MAOA: variants seen among roughly 807,000 people sequenced by gnomAD.
MAOA encodes amine oxidase [flavin-containing] A.
In MAOA, 6 loss-of-function variants were observed where a neutral mutation model predicts 42.0. The ratio of observed to expected loss-of-function variants is 0.14; its 90% CI spans 0.08 to 0.28. The LOEUF is 0.28. Ranked by LOEUF, MAOA falls within the 10% of genes least tolerant of loss-of-function variation. The pLI is 1.00. For missense variants in MAOA, 262 were observed against 422.3 expected (o/e 0.62, Z 3.33); for synonymous variants, 140 against 154.0 (o/e 0.91, Z 0.67).
chrX:43,735,008 G>A (rs1270048889), intron 9 of MAOA, among the ~76,000 whole-genome samples: 1 of 112,264 alleles, frequency 8.9e-6, no homozygotes, highest in African/African-American at 3.2e-5. Context: ...AACTTGAGGT[G>A]TTAAATCATG....
intron 3 of MAOA, among the ~76,000 whole-genome samples, chrX:43,699,758 C>A (rs2033608610): frequency 9.0e-6 from 1 of 110,951 alleles, no homozygotes; most frequent in Admixed American, 9.7e-5. Flanking sequence ...TTCTGGAATA[C>A]TAAGTAAATT....
intron 3 of MAOA, among the ~76,000 whole-genome samples, chrX:43,704,320 G>A (rs893573993): frequency 3.6e-5 from 4 of 111,605 alleles, no homozygotes; most frequent in African/African-American, 9.8e-5. Flanking sequence ...GGAATGAAAG[G>A]TTAGTTTAAT....
At chrX:43,740,622 A>C in intron 10 of MAOA, 59 bp from the exon 11 acceptor site, 9 of 989,648 alleles carry the variant, frequency 9.1e-6, no homozygotes, top group East Asian at 3.3e-5. Context: ...TTTATTCTAT[A>C]CCCATCAGTT....
rs890442794 is a variant in MAOA at position 43,736,137 on chromosome X, A to G, written c.1053-90A>G. 12 of 626,380 alleles carry G rather than the reference A, an allele frequency of 1.9e-5. No homozygotes were observed. In the African/African-American group the frequency reaches 2.2e-4, roughly 12 times the overall value. The allele number at this position is 626,380 out of a possible 1,213,427, so 51.6% of individuals were successfully genotyped here. On this transcript the variant is annotated intron_variant, in intron 9 of 14. Transcript: ENST00000338702. The stretch of plus-strand genomic sequence containing the variant: ...TGAGAGAGTTCATTTCATGCTGAAT[A>G]GCTACAGGTTAAGAATACTTCAGAA...
At chrX:43,663,140 T>G (rs1278921345) in intron 1 of MAOA, among the ~76,000 whole-genome samples, 1 of 111,420 alleles carries the variant, frequency 9.0e-6, no homozygotes, top group Non-Finnish European at 1.9e-5. Flanking sequence ...TCTTTAGCTT[T>G]CTTTCTTGGA....
In MAOA at chrX:43,722,811, T is replaced by C. The variant is rs766331379; in HGVS notation, c.504-5362T>C. On this transcript the variant is annotated intron_variant, in intron 5 of 14. Transcript: ENST00000338702. ...CCTAGGTTTTCTTCTAGGGTTTTTA[T>C]GGTTTTAAGTTATACGTTTAAATCT... 2.9e-4 allele frequency among the ~76,000 whole-genome samples: 33 copies of C among 112,298 alleles called. No homozygotes were observed. The South Asian group carries it at 6.2e-3, about 21-fold the overall frequency.
chrX:43,672,418 A>G (rs2147075079), intron 1 of MAOA, among the ~76,000 whole-genome samples: 1 of 110,599 alleles, frequency 9.0e-6, no homozygotes, highest in South Asian at 3.9e-4. Flanking sequence ...CTCTTTTCCT[A>G]ATTGAATACC....
Position 43,708,136 on chromosome X carries a change from A to T in MAOA, c.307-3736A>T, listed in dbSNP as rs1403267971. Among the ~76,000 whole-genome samples, 3 of 111,211 alleles carry T rather than the reference A, an allele frequency of 2.7e-5. No individual in the cohort carries two copies. The Admixed American group carries it at 2.9e-4, about 11-fold the overall frequency. On this transcript the variant is annotated intron_variant, in intron 3 of 14. Transcript: ENST00000338702. The stretch of plus-strand genomic sequence containing the variant: ...AGGGACATTGCGTTCTGCTTGACAT[A>T]AACAATTTCTGCTGTATCAAAGACA...
chrX:43,676,542 A>C (rs1388000946), intron 1 of MAOA, among the ~76,000 whole-genome samples: 1 of 111,546 alleles, frequency 9.0e-6, no homozygotes, highest in Non-Finnish European at 1.9e-5. Context: ...TGCATCGCTC[A>C]TGCTGGGAGC....
chrX:43,666,654 TTAAAA>T (rs1009050182), intron 1 of MAOA, among the ~76,000 whole-genome samples: 1 of 110,664 alleles, frequency 9.0e-6, no homozygotes, highest in Middle Eastern at 4.2e-3. Flanking sequence ...TTTAAAAAAG[TTAAAA>T]TAAGGTGAAT....
chrX:43,710,409 A>T (rs139233662), intron 3 of MAOA, among the ~76,000 whole-genome samples: 155 of 112,573 alleles, frequency 1.4e-3, no homozygotes, highest in African/African-American at 4.8e-3. Flanking sequence ...ATATATTCTT[A>T]CTCAGTTAGG....
chrX:43,656,524 G>A, intron 1 of MAOA, 110 bp downstream of exon 1: 1 of 720,099 alleles, frequency 1.4e-6, no homozygotes, highest in Admixed American at 2.4e-5. Flanking sequence ...CGAGAGTGTA[G>A]TGTAGCCATG....
intron 1 of MAOA, among the ~76,000 whole-genome samples, chrX:43,659,978 G>C (rs1053246788): frequency 6.3e-5 from 7 of 111,083 alleles, no homozygotes; most frequent in African/African-American, 2.0e-4. Context: ...TACATGGATA[G>C]ATTGCATAGT....
At chrX:43,670,451 T>A (rs748242925) in intron 1 of MAOA, among the ~76,000 whole-genome samples, 4 of 110,813 alleles carry the variant, frequency 3.6e-5, no homozygotes, top group Admixed American at 1.9e-4. Context: ...TAATTTTTAT[T>A]TTATTATTAT....
intron 5 of MAOA, among the ~76,000 whole-genome samples, chrX:43,715,355 G>T (rs1182171025): frequency 9.0e-6 from 1 of 110,741 alleles, no homozygotes; most frequent in Non-Finnish European, 1.9e-5. Flanking sequence ...GACTGGTGTG[G>T]CAGGATATAC....
chrX:43,731,635 G>T, intron 7 of MAOA, 59 bp from the exon 8 acceptor site: 2 of 1,090,977 alleles, frequency 1.8e-6, no homozygotes, highest in Non-Finnish European at 2.5e-6. Flanking sequence ...GATTTTTCAC[G>T]CCTGCCACAA....
chrX:43,722,580 A>G (rs1290606675), intron 5 of MAOA, among the ~76,000 whole-genome samples: 2 of 111,758 alleles, frequency 1.8e-5, no homozygotes, highest in African/African-American at 6.5e-5. Context: ...TAGATTCTGG[A>G]TATTAGCCCT....
intron 1 of MAOA, among the ~76,000 whole-genome samples, chrX:43,673,283 A>G (rs1039837744): frequency 3.6e-5 from 4 of 110,935 alleles, no homozygotes; most frequent in African/African-American, 9.8e-5. Flanking sequence ...ATCAGTGGTG[A>G]TATCCCCTTT....
At chrX:43,726,404 C>T (rs930429753) in intron 5 of MAOA, among the ~76,000 whole-genome samples, 2 of 111,633 alleles carry the variant, frequency 1.8e-5, no homozygotes, top group Admixed American at 9.5e-5. Context: ...CTTGTCTTCT[C>T]GCTTTATTTC....
Sources: gnomAD v4.1 joint callset for allele counts (sites outside exome capture counted in the v4.1 genomes callset) on GRCh38, gnomAD v4.1.1 for gene constraint, MANE v1.5 for transcripts, NCBI Gene and HGNC (gene_info 2026-07-23, HGNC 2026-07-21) for gene names.